Variants in PHF24 observed in about 807,000 individuals in gnomAD.
PHF24 encodes Galpha inhibitory interacting protein.
Under a neutral mutation model 42.6 loss-of-function variants are expected in PHF24, and 25 were observed. The observed-to-expected ratio is 0.59, with a 90% CI of 0.43 to 0.82. PHF24 has a LOEUF of 0.82. Among genes scored for constraint, PHF24 ranks in the 40% least tolerant of loss-of-function variants. The probability of loss-of-function intolerance (pLI) is 0.00; values close to 1 mark genes in which losing one functional copy is unlikely to be tolerated. For synonymous variants in PHF24, 185 were observed against 204.8 expected, an observed-to-expected ratio of 0.90 and a Z score of 0.83; for missense variants, 470 against 538.1, an observed-to-expected ratio of 0.87 and a Z score of 1.25.
chr9:34,724,206 C>T, the PHF24 span: 5 of 1,551,484 alleles, frequency 3.2e-6, no homozygotes, highest in Non-Finnish European at 1.7e-6. Context: ...TTGGCCTCTA[C>T]CTGAACACAA....
chr9:34,686,353 T>A, the PHF24 span, among the ~76,000 whole-genome samples: 1 of 152,222 alleles, frequency 6.6e-6, no homozygotes, highest in Non-Finnish European at 1.5e-5. Context: ...AAGCTGGCTC[T>A]GAACAAACGC....
At chr9:34,928,091 C>T in the PHF24 span, among the ~76,000 whole-genome samples, 1 of 151,954 alleles carries the variant, frequency 6.6e-6, no homozygotes, top group East Asian at 1.9e-4. Flanking sequence ...TGGAGAGTGC[C>T]TGTAATCCCA....
At chr9:34,961,741 A>G (rs1826595735) in intron 1 of PHF24, among the ~76,000 whole-genome samples, 1 of 152,220 alleles carries the variant, frequency 6.6e-6, no homozygotes. Flanking sequence ...ACTTTTGCCC[A>G]TATACTCTGA....
chr9:34,760,338 G>C, the PHF24 span, among the ~76,000 whole-genome samples: 1 of 152,196 alleles, frequency 6.6e-6, no homozygotes, highest in Non-Finnish European at 1.5e-5. Context: ...CATGCCACTG[G>C]TGTGAGACTT....
the PHF24 span, among the ~76,000 whole-genome samples, chr9:34,823,198 G>A: frequency 5.3e-3 from 384 of 72,542 alleles, 1 homozygote; most frequent in Admixed American, 9.9e-3. Flanking sequence ...GCGAGACTCC[G>A]TCTCAAAAAA....
chr9:34,884,854 G>C, the PHF24 span, among the ~76,000 whole-genome samples: 88 of 152,202 alleles, frequency 5.8e-4, no homozygotes, highest in Non-Finnish European at 1.1e-3. Flanking sequence ...TGACTTCCCT[G>C]CTAGGGGTGA....
the PHF24 span, among the ~76,000 whole-genome samples, chr9:34,936,130 A>G: frequency 2.0e-5 from 3 of 149,714 alleles, no homozygotes; most frequent in Non-Finnish European, 4.4e-5. Context: ...CCGAAGCTGG[A>G]CTGTACTGCC....
At chr9:34,902,567 C>T in the PHF24 span, among the ~76,000 whole-genome samples, 1 of 152,020 alleles carries the variant, frequency 6.6e-6, no homozygotes. Flanking sequence ...GGTGGGAAGA[C>T]CTTTTGAAAC....
chr9:34,763,252 G>T, the PHF24 span, among the ~76,000 whole-genome samples: 12 of 152,180 alleles, frequency 7.9e-5, no homozygotes, highest in Non-Finnish European at 1.8e-4. Flanking sequence ...TTGGTAGCTT[G>T]ATGGGGATGG....
chr9:34,892,890 G>A, the PHF24 span: 14 of 699,704 alleles, frequency 2.0e-5, no homozygotes, highest in Admixed American at 2.4e-4. Flanking sequence ...AATTGTGACA[G>A]TGTTGGAGTT....
At chr9:34,889,166 A>G in the PHF24 span, 1 of 398,638 alleles carries the variant, frequency 2.5e-6, no homozygotes, top group Admixed American at 4.4e-5. Context: ...GCAGAGGTTC[A>G]GGAACCTATG....
At chr9:34,786,402 T>A in the PHF24 span, among the ~76,000 whole-genome samples, 1 of 152,094 alleles carries the variant, frequency 6.6e-6, no homozygotes, top group Non-Finnish European at 1.5e-5. Context: ...CCCAACTATA[T>A]CCCCTCTTTA....
At chr9:34,850,943 G>A in the PHF24 span, among the ~76,000 whole-genome samples, 12 of 152,202 alleles carry the variant, frequency 7.9e-5, no homozygotes, top group Admixed American at 2.6e-4. Context: ...GCTGCTGTCT[G>A]ATCGTTCCTC....
At chr9:34,700,656 A>G in the PHF24 span, among the ~76,000 whole-genome samples, 1 of 152,164 alleles carries the variant, frequency 6.6e-6, no homozygotes, top group African/African-American at 2.4e-5. Flanking sequence ...AGTTCAGGGA[A>G]GAGATTCTAG....
the PHF24 span, among the ~76,000 whole-genome samples, chr9:34,849,166 C>T: frequency 6.6e-6 from 1 of 152,198 alleles, no homozygotes; most frequent in South Asian, 2.1e-4. Flanking sequence ...TGTTAACTTT[C>T]TGTCTCGTTG....
intron 1 of PHF24, among the ~76,000 whole-genome samples, chr9:34,961,612 A>G (rs1826591366): frequency 1.3e-5 from 2 of 152,368 alleles, no homozygotes; most frequent in South Asian, 2.1e-4. Context: ...GCATTACAGA[A>G]TATCCACAGG....
At chr9:34,800,140 A>T in the PHF24 span, among the ~76,000 whole-genome samples, 20 of 152,044 alleles carry the variant, frequency 1.3e-4, no homozygotes, top group Admixed American at 3.9e-4. Context: ...TATACAAATT[A>T]AAAAAAAGAA....
At chr9:34,796,488 T>C in the PHF24 span, among the ~76,000 whole-genome samples, 1 of 151,976 alleles carries the variant, frequency 6.6e-6, no homozygotes. Context: ...AGGACCTACA[T>C]TTTTAAAAAC....
chr9:34,977,602 G>C, exon 7 of PHF24: 1 of 1,608,202 alleles, frequency 6.2e-7, no homozygotes, highest in East Asian at 2.2e-5. Flanking sequence ...AGCAGCAAGA[G>C]TCAGGACAAG....
Sources: allele counts gnomAD v4.1 joint callset (sites outside exome capture counted in the v4.1 genomes callset), GRCh38; gene constraint gnomAD v4.1.1; transcripts MANE v1.5; gene names NCBI Gene and HGNC (gene_info 2026-07-23, HGNC 2026-07-21).